SLC2A13: variants seen among roughly 807,000 people sequenced by gnomAD.
SLC2A13 encodes the protein proton myo-inositol cotransporter.
Under a neutral mutation model 64.4 loss-of-function variants are expected in SLC2A13, and 32 were observed. The ratio of observed to expected loss-of-function variants is 0.50; its 90% CI spans 0.37 to 0.67. The LOEUF (loss-of-function observed/expected upper bound fraction) is 0.67. Ranked by LOEUF, SLC2A13 falls within the 30% of genes least tolerant of loss-of-function variation. SLC2A13 has a pLI of 0.00. For missense variants in SLC2A13, 743 were observed against 829.2 expected, an observed-to-expected ratio of 0.90 and a Z score of 1.28; for synonymous variants, 338 against 327.1, an observed-to-expected ratio of 1.03 and a Z score of -0.36.
chr12:39,866,488 T>G (rs1368224185), intron 5 of SLC2A13, among the ~76,000 whole-genome samples: 5 of 150,298 alleles, frequency 3.3e-5, no homozygotes, highest in African/African-American at 9.7e-5. Flanking sequence ...TTTGAAAGAT[T>G]TTTTTTTTTT....
intron 4 of SLC2A13, among the ~76,000 whole-genome samples, chr12:39,886,611 T>C (rs780518049): frequency 6.6e-6 from 1 of 152,114 alleles, no homozygotes; most frequent in Admixed American, 6.6e-5. Flanking sequence ...GTTAAATGTT[T>C]TGGTGTGTTT....
intron 6 of SLC2A13, among the ~76,000 whole-genome samples, chr12:39,839,370 A>T (rs1943120206): frequency 6.6e-6 from 1 of 152,086 alleles, no homozygotes; most frequent in South Asian, 2.1e-4. Flanking sequence ...AGAATAAAAA[A>T]AAATCTTAGA....
intron 7 of SLC2A13, among the ~76,000 whole-genome samples, chr12:39,814,100 CTT>C (rs1373366915): frequency 1.3e-5 from 2 of 152,160 alleles, no homozygotes; most frequent in Non-Finnish European, 2.9e-5. Flanking sequence ...TGCCCATACT[CTT>C]TTCTTTCTTT....
chr12:40,105,282 G>A lies in SLC2A13; in HGVS notation c.527C>T (p.Ala176Val), dbSNP rs747266896. 1.3e-6 allele frequency: 2 copies of A among 1,598,896 alleles called. No individual in the cohort carries two copies. Among genetic ancestry groups the A allele is most frequent in the South Asian group, 2.2e-5 (2 of 89,516 alleles). ...GCCGAGTCCCACGACCAGGCGGCCG[G>A]CGAGCAGTGTCTCCTTGTTGTTGGC... ...AAANNKETLL[A>V]GRLVVGLGIG... The change falls in exon 1 of 10, where the codon GCC becomes GTC. Residue 176 changes from alanine to valine, a missense_variant. Around this residue, in one of 2 missense-constraint regions of SLC2A13, gnomAD observed 448 missense variants for 447.4 expected, o/e 1.00. Coordinates refer to ENST00000280871, the MANE Select transcript of SLC2A13 (RefSeq NM_052885.4). This position sits in a 1 kb window ranked among gnomAD's most constrained non-coding sequence, Gnocchi z 4.2.
intron 4 of SLC2A13, among the ~76,000 whole-genome samples, chr12:39,912,648 A>G (rs1263207787): frequency 6.6e-6 from 1 of 152,054 alleles, no homozygotes; most frequent in Non-Finnish European, 1.5e-5. Flanking sequence ...TTGCCCAGTT[A>G]TTATAATGAG....
intron 4 of SLC2A13, among the ~76,000 whole-genome samples, chr12:39,882,723 T>C (rs181709573): frequency 2.4e-4 from 37 of 152,284 alleles, no homozygotes; most frequent in Admixed American, 2.0e-3. Flanking sequence ...TCTACATTGA[T>C]TCACAAATCT....
intron 3 of SLC2A13, among the ~76,000 whole-genome samples, chr12:40,011,203 T>G (rs1453251297): frequency 6.6e-6 from 1 of 152,174 alleles, no homozygotes; most frequent in Admixed American, 6.5e-5. Flanking sequence ...GTTGACTTTT[T>G]GGGCCAAAAA....
At chr12:39,780,447 C>T (rs971736082) in intron 7 of SLC2A13, among the ~76,000 whole-genome samples, 4 of 152,122 alleles carry the variant, frequency 2.6e-5, no homozygotes, top group Admixed American at 1.3e-4. Flanking sequence ...TGAAGTAAGC[C>T]ACTGAAATAT....
At chr12:39,906,841 C>T (rs532307618) in intron 4 of SLC2A13, among the ~76,000 whole-genome samples, 1 of 152,124 alleles carries the variant, frequency 6.6e-6, no homozygotes, top group South Asian at 2.1e-4. Flanking sequence ...CCCAATATCC[C>T]TTGAAGTATG....
intron 2 of SLC2A13, among the ~76,000 whole-genome samples, chr12:40,046,182 A>C (rs1389299029): frequency 1.3e-5 from 2 of 152,310 alleles, no homozygotes; most frequent in Admixed American, 6.5e-5. Context: ...TGAAGCTCAG[A>C]GGGGCTAAAT....
At chr12:39,916,496 C>G (rs1310443430) in intron 4 of SLC2A13, among the ~76,000 whole-genome samples, 1 of 152,110 alleles carries the variant, frequency 6.6e-6, no homozygotes, top group African/African-American at 2.4e-5. Flanking sequence ...GACATGTATC[C>G]CAATACCACA....
chr12:40,088,029 T>C (rs1476212124), intron 1 of SLC2A13, among the ~76,000 whole-genome samples: 3 of 152,212 alleles, frequency 2.0e-5, no homozygotes, highest in African/African-American at 7.2e-5. Flanking sequence ...TACTGTATAC[T>C]ACCATGTGCC....
intron 4 of SLC2A13, among the ~76,000 whole-genome samples, chr12:39,938,079 C>T (rs899494230): frequency 3.3e-5 from 5 of 152,048 alleles, no homozygotes; most frequent in South Asian, 2.1e-4. Flanking sequence ...GGTGGATTAA[C>T]GGTGGGATGT....
intron 4 of SLC2A13, among the ~76,000 whole-genome samples, chr12:39,893,026 A>G (rs549922141): frequency 6.6e-6 from 1 of 152,306 alleles, no homozygotes; most frequent in East Asian, 1.9e-4. Flanking sequence ...CTCTAAATTC[A>G]ATTAAGATAT....
intron 2 of SLC2A13, among the ~76,000 whole-genome samples, chr12:40,041,676 T>C (rs185174234): frequency 2.1e-4 from 32 of 152,344 alleles, no homozygotes; most frequent in Non-Finnish European, 3.8e-4. Flanking sequence ...GACTGAATTA[T>C]TTCCACACCA....
chr12:39,981,382 C>A (rs1946892384), intron 3 of SLC2A13, among the ~76,000 whole-genome samples: 1 of 151,958 alleles, frequency 6.6e-6, no homozygotes, highest in East Asian at 1.9e-4. Context: ...TCAATGAATC[C>A]AGGAGCTGGT....
intron 6 of SLC2A13, among the ~76,000 whole-genome samples, chr12:39,849,324 C>T (rs898142492): frequency 4.6e-5 from 7 of 152,076 alleles, no homozygotes; most frequent in Non-Finnish European, 8.8e-5. Context: ...CACACTGGTT[C>T]CTCCAAGTTA....
Position 39,756,725 on chromosome 12 carries a change from T to C in SLC2A13, c.*3301A>G, listed in dbSNP as rs1048492808. On this transcript the variant is annotated 3_prime_UTR_variant, in exon 10 of 10. Coordinates refer to ENST00000280871, the MANE Select transcript of SLC2A13 (RefSeq NM_052885.4). Reference sequence around the variant, plus strand: ...AGTTGTCAGCTTATATTTTTCCTGATCATTCTTCCCCTGTATAACAGATAC... The same window carrying C: ...AGTTGTCAGCTTATATTTTTCCTGACCATTCTTCCCCTGTATAACAGATAC... 2.0e-5 allele frequency: 3 copies of C among 151,734 alleles called. No individual in the cohort carries two copies. Among genetic ancestry groups the C allele is most frequent in the African/African-American group, 4.8e-5 (2 of 41,428 alleles). 9.4% of individuals were successfully genotyped at this position (151,734 alleles called of 1,614,324 possible).
intron 4 of SLC2A13, among the ~76,000 whole-genome samples, chr12:39,899,786 C>A (rs1945034274): frequency 6.6e-6 from 1 of 152,022 alleles, no homozygotes; most frequent in Non-Finnish European, 1.5e-5. Context: ...TGTAGTTGAG[C>A]AGTTTTGAGT....
Sources: allele counts gnomAD v4.1 joint callset (sites outside exome capture counted in the v4.1 genomes callset), GRCh38; gene constraint gnomAD v4.1.1; regional missense constraint gnomAD v4.1.1; non-coding constraint Gnocchi (gnomAD v3.1); transcripts MANE v1.5; gene names NCBI Gene and HGNC (gene_info 2026-07-23, HGNC 2026-07-21).